Variants in APLF observed in about 807,000 individuals in gnomAD.
APLF encodes the protein aprataxin and PNKP like factor, also known as aprataxin and PNK-like factor.
A neutral mutation model predicts 55.6 loss-of-function variants in APLF; 61 were observed. The ratio of observed to expected loss-of-function variants is 1.10; its 90% confidence interval spans 0.89 to 1.36. The LOEUF is 1.36. Among genes scored for constraint, APLF ranks in the 40% most tolerant of loss-of-function variants. The probability of loss-of-function intolerance (pLI) is 0.00; values close to 1 mark genes in which losing one functional copy is unlikely to be tolerated. For missense variants in APLF, 611 were observed against 602.5 expected (o/e 1.01, Z -0.15); for synonymous variants, 207 against 214.8 (o/e 0.96, Z 0.32).
chr2:68,557,978 A>AGTTACTTTCT (rs1671061074), intron 8 of APLF, among the ~76,000 whole-genome samples: 1 of 152,154 alleles, frequency 6.6e-6, no homozygotes, highest in East Asian at 1.9e-4. Flanking sequence ...CATATATAGA[A>AGTTACTTTCT]AGTAACTTAT....
intron 5 of APLF, among the ~76,000 whole-genome samples, chr2:68,518,225 A>G (rs1669704945): frequency 8.3e-6 from 1 of 120,424 alleles, no homozygotes; most frequent in East Asian, 2.3e-4. Flanking sequence ...GTTAATATAT[A>G]ATAGATCATT....
In APLF at chr2:68,545,218, C is replaced by A. The variant is rs149723588; in HGVS notation, c.1192C>A (p.His398Asn). 27 of 1,613,644 alleles carry A rather than the reference C, an allele frequency of 1.7e-5. No homozygotes were observed. The East Asian group carries it at 6.0e-4, about 36-fold the overall frequency. Reference sequence around the variant, plus strand: ...TCCTGTTCATTTTCAACATTTTAGCCATCCTGGTGATAGTGATTATGGAGG... The same window carrying A: ...TCCTGTTCATTTTCAACATTTTAGCAATCCTGGTGATAGTGATTATGGAGG... The part of the protein sequence containing the change: ...KNPVHFQHFS[H>N]PGDSDYGGVQ... Residue 398 changes from histidine (H) to asparagine (N), a missense_variant, in exon 8 of 10, where the codon CAT (histidine) becomes AAT (asparagine). By Grantham distance (68) the His-to-Asn change is moderately conservative. Coordinates refer to ENST00000303795, the MANE Select transcript of APLF (RefSeq NM_173545.3).
intron 4 of APLF, 50 bp from the exon 5 acceptor site, chr2:68,513,498 T>A: frequency 6.3e-7 from 1 of 1,592,842 alleles, no homozygotes. Flanking sequence ...ATTTTGCAAA[T>A]TCATTCAAGA....
chr2:68,469,010 GTGTGTGTGTGTTGTGTGT>G (rs1558523257), intron 1 of APLF, among the ~76,000 whole-genome samples: 1 of 147,696 alleles, frequency 6.8e-6, no homozygotes, highest in Non-Finnish European at 1.5e-5. Context: ...GTGTGTGTGT[GTGTGTGTGTGTTGTGTGT>G]TGTGTGTTGT....
At chr2:68,494,277 CAAAAAAAAAAAAAAA>C (rs59466460) in intron 2 of APLF, among the ~76,000 whole-genome samples, 9 of 49,544 alleles carry the variant, frequency 1.8e-4, no homozygotes, top group Middle Eastern at 0.013. Flanking sequence ...GACCCCGTCT[CAAAAAAAAAAAAAAA>C]AAAAAAAAAA....
chr2:68,510,935 T>C (rs930330460), intron 3 of APLF, among the ~76,000 whole-genome samples: 3 of 151,860 alleles, frequency 2.0e-5, no homozygotes, highest in Non-Finnish European at 4.4e-5. Flanking sequence ...GACCACATAC[T>C]GTATTTCATT....
rs1671691640 is a variant in APLF, at chr2:68,578,879, C to G, written c.*857C>G. On this transcript the variant is annotated 3_prime_UTR_variant, in exon 10 of 10. Transcript: ENST00000303795. ...GTTTGCCAGTTGAAAGTTCAAGATT[C>G]TGGCCTCCCATATCAAGAAGAAACC... is the stretch of plus-strand genomic sequence containing the variant. 2.0e-6 allele frequency: 2 copies of G among 985,174 alleles called. No individual in the cohort carries two copies. The highest frequency in any genetic ancestry group is 4.7e-5 in the South Asian group (1 of 21,290). 61.0% of individuals were successfully genotyped at this position (985,174 alleles called of 1,614,324 possible).
chr2:68,508,299 G>C (rs1243829552), intron 3 of APLF, among the ~76,000 whole-genome samples: 3 of 151,832 alleles, frequency 2.0e-5, no homozygotes, highest in African/African-American at 7.2e-5. Flanking sequence ...GGGTCCAGAA[G>C]TAAACCCCTA....
At chr2:68,564,978 T>C (rs1671261090) in intron 8 of APLF, among the ~76,000 whole-genome samples, 1 of 152,100 alleles carries the variant, frequency 6.6e-6, no homozygotes, top group Non-Finnish European at 1.5e-5. Context: ...ATTAACTAAA[T>C]ACAATTTAAA....
chr2:68,539,924 A>AT lies in APLF; in HGVS notation c.1160+1698dup, dbSNP rs112421893. Among the ~76,000 whole-genome samples the AT allele has an allele frequency of 2.2e-4, 33 of 152,256 alleles. 1 individual carries two copies. Among genetic ancestry groups the AT allele is most frequent in the African/African-American group, 7.5e-4 (31 of 41,564 alleles). On this transcript the variant is annotated intron_variant, in intron 7 of 9. Transcript: ENST00000303795. ...CACTAAGGCAAAAAAAAGAAATAACATGTAGAGTAGAAAGGAAAAAATAAA... is the reference window on the plus strand; with the variant it reads ...CACTAAGGCAAAAAAAAGAAATAACATTGTAGAGTAGAAAGGAAAAAATAAA...
At chr2:68,533,464 C>T (rs1245746122) in intron 6 of APLF, among the ~76,000 whole-genome samples, 1 of 152,150 alleles carries the variant, frequency 6.6e-6, no homozygotes, top group Non-Finnish European at 1.5e-5. Flanking sequence ...TACTCCAACT[C>T]TTAGTGGCTT....
intron 5 of APLF, among the ~76,000 whole-genome samples, chr2:68,518,110 T>G (rs1223298260): frequency 1.5e-5 from 2 of 130,770 alleles, no homozygotes; most frequent in Non-Finnish European, 3.1e-5. Flanking sequence ...ATATAATATA[T>G]CATATACAAT....
chr2:68,518,579 C>CATG (rs1207419555), intron 5 of APLF, among the ~76,000 whole-genome samples: 1 of 117,504 alleles, frequency 8.5e-6, no homozygotes, highest in African/African-American at 3.4e-5. Flanking sequence ...TATAATATAT[C>CATG]AATAATATAT....
intron 5 of APLF, chr2:68,515,530 A>G: frequency 2.1e-6 from 2 of 939,330 alleles, no homozygotes; most frequent in Non-Finnish European, 1.3e-6. Context: ...GCTACTGCTT[A>G]TAATAATAGT....
intron 7 of APLF, among the ~76,000 whole-genome samples, chr2:68,543,419 T>C (rs1353967105): frequency 6.6e-6 from 1 of 152,204 alleles, no homozygotes; most frequent in Non-Finnish European, 1.5e-5. Context: ...CTATAAATAC[T>C]GCCATGTGAA....
chr2:68,556,639 G>A (rs1482204480), intron 8 of APLF, among the ~76,000 whole-genome samples: 3 of 152,176 alleles, frequency 2.0e-5, no homozygotes, highest in Non-Finnish European at 4.4e-5. Context: ...GATATGAATG[G>A]AGTCTATTTT....
At chr2:68,521,377 G>T (rs1226556419) in intron 5 of APLF, among the ~76,000 whole-genome samples, 1 of 151,814 alleles carries the variant, frequency 6.6e-6, no homozygotes, top group Non-Finnish European at 1.5e-5. Flanking sequence ...CTCTGGCTAG[G>T]AATTCCAGTG....
intron 1 of APLF, among the ~76,000 whole-genome samples, chr2:68,485,872 C>T (rs904325961): frequency 2.7e-5 from 4 of 147,954 alleles, no homozygotes; most frequent in Non-Finnish European, 5.9e-5. Flanking sequence ...TGCAGTGGCG[C>T]GATCATGGCT....
At position 68,472,809 on chromosome 2, in the gene APLF, G is replaced by A. The variant is rs77190420; in HGVS notation, c.96+4982G>A. 6.8e-3 allele frequency among the ~76,000 whole-genome samples: 1,036 copies of A among 152,242 alleles called. 7 individuals are homozygous for A. The highest frequency in any genetic ancestry group is 0.023 in the African/African-American group (947 of 41,528). On this transcript the variant is annotated intron_variant, in intron 1 of 9. Coordinates refer to ENST00000303795, the MANE Select transcript of APLF (RefSeq NM_173545.3). The stretch of plus-strand genomic sequence containing the variant: ...ATGATCACATTATGTCAATGATCCC[G>A]TTTAACTTTTACAAACATTGTTTTT...
Sources: allele counts gnomAD v4.1 joint callset (sites outside exome capture counted in the v4.1 genomes callset), GRCh38; gene constraint gnomAD v4.1.1; transcripts MANE v1.5; gene names NCBI Gene and HGNC (gene_info 2026-07-23, HGNC 2026-07-21).